The following CFAP54 variants were observed in gnomAD, a reference collection of about 807,000 sequenced individuals.
The protein encoded by CFAP54 is cilia and flagella associated protein 54.
In CFAP54, 290 loss-of-function variants were observed where a neutral mutation model predicts 370.4. That is an observed-to-expected ratio of 0.78 (90% CI 0.71 to 0.86). The LOEUF is 0.86. Among genes scored for constraint, CFAP54 ranks in the 40% least tolerant of loss-of-function variants. The pLI is 0.00. For synonymous variants in CFAP54, 1,206 were observed against 1,236.5 expected (o/e 0.98, Z 0.52); for missense variants, 3,399 against 3,528.7 (o/e 0.96, Z 0.93).
chr12:96,734,990 C>T (rs1957962839), intron 50 of CFAP54, among the ~76,000 whole-genome samples: 1 of 151,982 alleles, frequency 6.6e-6, no homozygotes, highest in Non-Finnish European at 1.5e-5. Context: ...ATACCATAAA[C>T]TTTTCATTAA....
Position 96,508,461 on chromosome 12 carries a change from T to C in CFAP54, c.739+1362T>C, listed in dbSNP as rs556428204. 5.3e-4 allele frequency among the ~76,000 whole-genome samples: 81 copies of C among 151,920 alleles called. No homozygotes were observed. The East Asian group carries it at 0.015, about 28-fold the overall frequency. On this transcript the variant is annotated intron_variant, in intron 4 of 67. Transcript: ENST00000524981. ...CCACCACACCCGGCCAATTTTTGTA[T>C]TTTTAGTACAGACGGGTTTTTACCA...
chr12:96,693,492 T>C (rs1337102303), intron 44 of CFAP54, among the ~76,000 whole-genome samples: 1 of 152,206 alleles, frequency 6.6e-6, no homozygotes, highest in Non-Finnish European at 1.5e-5. Context: ...GGGTACCAAA[T>C]GGCATCTACT....
At chr12:96,531,076 A>T (rs1227840896) in intron 9 of CFAP54, among the ~76,000 whole-genome samples, 1 of 152,108 alleles carries the variant, frequency 6.6e-6, no homozygotes, top group African/African-American at 2.4e-5. Context: ...AGTCCTGGTC[A>T]TTGCTTTTTA....
intron 34 of CFAP54, among the ~76,000 whole-genome samples, chr12:96,648,674 C>T (rs951926002): frequency 2.7e-5 from 4 of 148,170 alleles, no homozygotes; most frequent in African/African-American, 7.5e-5. Flanking sequence ...CTGCAACCTC[C>T]GCCTCCTGAA....
chr12:96,805,293 T>G (rs964955374), intron 63 of CFAP54, among the ~76,000 whole-genome samples: 2 of 151,404 alleles, frequency 1.3e-5, no homozygotes, highest in Non-Finnish European at 2.9e-5. Flanking sequence ...GTCACGAGAG[T>G]AAACACACAA....
chr12:96,785,409 A>G (rs1024066189), intron 61 of CFAP54, among the ~76,000 whole-genome samples: 4 of 151,894 alleles, frequency 2.6e-5, no homozygotes, highest in Non-Finnish European at 5.9e-5. Context: ...TGACATTGTT[A>G]TGTTTTATCT....
chr12:96,566,496 T>TA (rs1207857782), intron 19 of CFAP54, among the ~76,000 whole-genome samples: 11 of 151,926 alleles, frequency 7.2e-5, no homozygotes, highest in African/African-American at 1.7e-4. Flanking sequence ...AGATTTTTTT[T>TA]AAAAAAAATG....
At chr12:96,602,901 C>T (rs112964192) in intron 26 of CFAP54, among the ~76,000 whole-genome samples, 13,445 of 152,076 alleles carry the variant, frequency 0.088, 779 homozygotes, top group Middle Eastern at 0.14. Flanking sequence ...GGGTCTTGAC[C>T]CTTTATCCAA....
intron 26 of CFAP54, among the ~76,000 whole-genome samples, chr12:96,614,936 C>G (rs1297000139): frequency 6.6e-6 from 1 of 152,124 alleles, no homozygotes; most frequent in East Asian, 1.9e-4. Context: ...CCATACTGCC[C>G]AAGGTAATTT....
chr12:96,610,252 A>C (rs961873608), intron 26 of CFAP54, among the ~76,000 whole-genome samples: 2 of 152,244 alleles, frequency 1.3e-5, no homozygotes, highest in Admixed American at 1.3e-4. Flanking sequence ...TGCTGGTATA[A>C]CTTGACTCTT....
chr12:96,824,491 T>A lies in CFAP54; in HGVS notation c.9097-4523T>A, dbSNP rs370775681. 4.6e-5 allele frequency among the ~76,000 whole-genome samples: 7 copies of A among 152,276 alleles called. No individual in the cohort carries two copies. The South Asian group carries it at 8.3e-4, about 18-fold the overall frequency. On this transcript the variant is annotated intron_variant, in intron 65 of 67. Coordinates refer to ENST00000524981, the MANE Select transcript of CFAP54 (RefSeq NM_001306084.2). ...ATAACCCATCATGCTGTTGTTGAAA[T>A]CTTTTATTTAGACAGAAAGCATACC...
intron 63 of CFAP54, among the ~76,000 whole-genome samples, chr12:96,797,315 A>G (rs1177312264): frequency 6.6e-6 from 1 of 152,070 alleles, no homozygotes; most frequent in Non-Finnish European, 1.5e-5. Context: ...TTGAGGAAGT[A>G]TTTATGTGTA....
At chr12:96,689,143 G>A (rs1005039846) in intron 43 of CFAP54, among the ~76,000 whole-genome samples, 161 bp downstream of exon 43, 4 of 152,072 alleles carry the variant, frequency 2.6e-5, no homozygotes, top group Non-Finnish European at 5.9e-5. Context: ...GAACCCCTGT[G>A]AGACTTTCAC....
At chr12:96,803,388 C>T (rs1249814397) in intron 63 of CFAP54, among the ~76,000 whole-genome samples, 1 of 151,996 alleles carries the variant, frequency 6.6e-6, no homozygotes, top group Non-Finnish European at 1.5e-5. Flanking sequence ...AATCTCATTC[C>T]TGCTACTAAC....
At chr12:96,525,805 C>T (rs1269901005) in intron 8 of CFAP54, among the ~76,000 whole-genome samples, 1 of 152,170 alleles carries the variant, frequency 6.6e-6, no homozygotes, top group Non-Finnish European at 1.5e-5. Flanking sequence ...ATTATTCTGC[C>T]TCAGCCTCCC....
intron 66 of CFAP54, among the ~76,000 whole-genome samples, chr12:96,845,393 C>T (rs1959310727): frequency 6.6e-6 from 1 of 152,230 alleles, no homozygotes; most frequent in African/African-American, 2.4e-5. Context: ...GGATTGAAAA[C>T]TTCGTTTTCT....
intron 66 of CFAP54, among the ~76,000 whole-genome samples, chr12:96,837,362 G>C (rs1959189622): frequency 6.6e-6 from 1 of 152,122 alleles, no homozygotes; most frequent in African/African-American, 2.4e-5. Context: ...ATCTGGTACT[G>C]AGTTATCATG....
intron 49 of CFAP54, among the ~76,000 whole-genome samples, chr12:96,720,058 C>T (rs1458785905): frequency 6.6e-6 from 1 of 152,216 alleles, no homozygotes; most frequent in Non-Finnish European, 1.5e-5. Context: ...CAGAGGCTCT[C>T]GGGTACTTTT....
In CFAP54 at chr12:96,786,913, A is replaced by T. The variant is rs748376173; in HGVS notation, c.8679+15A>T. On this transcript the variant is annotated intron_variant, in intron 62 of 67. Transcript: ENST00000524981. ...CATCTGCCAAGGTAACGTTTTTTGA[A>T]ACATGATATATTTACATAAAACTTC... 9 of 1,483,874 alleles carry T rather than the reference A, an allele frequency of 6.1e-6. No homozygotes were observed. In the South Asian group the frequency reaches 7.5e-5, roughly 12 times the overall value. 91.9% of individuals were successfully genotyped at this position (1,483,874 alleles called of 1,614,324 possible).
Sources: allele counts gnomAD v4.1 joint callset (sites outside exome capture counted in the v4.1 genomes callset), GRCh38; gene constraint gnomAD v4.1.1; transcripts MANE v1.5; gene names NCBI Gene and HGNC (gene_info 2026-07-23, HGNC 2026-07-21).